The following NAV2 variants were observed in gnomAD, a reference collection of about 807,000 sequenced individuals.
The protein encoded by NAV2 is helicase, APC down-regulated 1.
NAV2 carries 54 observed loss-of-function variants against 223.2 expected under a neutral mutation model. The ratio of observed to expected loss-of-function variants is 0.24; its 90% CI spans 0.19 to 0.30. NAV2 has a LOEUF of 0.30. Ranked by LOEUF, NAV2 falls within the 10% of genes least tolerant of loss-of-function variation. NAV2 has a pLI of 1.00. For synonymous variants in NAV2, 1,279 were observed against 1,239.3 expected (o/e 1.03, Z -0.67); for missense variants, 2,806 against 3,147.5 (o/e 0.89, Z 2.60).
chr11:19,818,958 C>T (rs1454679277), intron 1 of NAV2, among the ~76,000 whole-genome samples: 1 of 151,956 alleles, frequency 6.6e-6, no homozygotes, highest in Non-Finnish European at 1.5e-5. Flanking sequence ...TCTTTTTTTC[C>T]ACCCACTCAT....
chr11:19,912,121 T>C (rs2043365315), intron 6 of NAV2, among the ~76,000 whole-genome samples: 1 of 152,226 alleles, frequency 6.6e-6, no homozygotes, highest in Non-Finnish European at 1.5e-5. Context: ...TGTCTGTGTT[T>C]GGTAGTAGTT....
chr11:19,955,080 A>AGG (rs2047735088), intron 10 of NAV2, among the ~76,000 whole-genome samples: 1 of 151,960 alleles, frequency 6.6e-6, no homozygotes. Context: ...ATTGGCTGGC[A>AGG]CTGTGCCTGC....
chr11:19,811,866 T>C (rs55928989), intron 1 of NAV2, among the ~76,000 whole-genome samples: 206 of 152,356 alleles, frequency 1.4e-3, no homozygotes, highest in African/African-American at 4.8e-3. Flanking sequence ...ATTCCTACTA[T>C]GTGCTATGCC....
chr11:19,652,085 C>T (rs1021115047), intron 1 of NAV2, among the ~76,000 whole-genome samples: 3 of 152,092 alleles, frequency 2.0e-5, no homozygotes, highest in South Asian at 2.1e-4. Context: ...CATAATAACT[C>T]GGATGCACAG....
intron 1 of NAV2, among the ~76,000 whole-genome samples, chr11:19,417,477 A>G (rs961587140): frequency 6.6e-6 from 1 of 152,216 alleles, no homozygotes; most frequent in Admixed American, 6.5e-5. Flanking sequence ...AGAAATAGGA[A>G]CACTTTTACA....
chr11:19,392,578 C>T lies in NAV2; in HGVS notation c.75+41551C>T, dbSNP rs567922911. 5.3e-5 allele frequency among the ~76,000 whole-genome samples: 8 copies of T among 152,250 alleles called. No individual in the cohort carries two copies. The South Asian group carries it at 6.2e-4, about 12-fold the overall frequency. Reference sequence around the variant, plus strand: ...TCCAGGAGGGAGCATCCTGAGAGCACGAGCAAGCCAGGCAGAAAATGTACT... The same window carrying T: ...TCCAGGAGGGAGCATCCTGAGAGCATGAGCAAGCCAGGCAGAAAATGTACT... On this transcript the variant is annotated intron_variant, in intron 1 of 37. Transcript: ENST00000360655.
chr11:19,828,173 G>A (rs1472958649), intron 1 of NAV2, among the ~76,000 whole-genome samples: 1 of 145,790 alleles, frequency 6.9e-6, no homozygotes, highest in Non-Finnish European at 1.5e-5. Context: ...ATTTTTTAAG[G>A]GGGGGATGGT....
intron 6 of NAV2, among the ~76,000 whole-genome samples, chr11:19,931,238 G>A (rs1003510985): frequency 1.4e-4 from 22 of 152,248 alleles, no homozygotes; most frequent in Admixed American, 7.2e-4. Context: ...GTGGGTTCTC[G>A]GAGCCTGATT....
intron 1 of NAV2, among the ~76,000 whole-genome samples, chr11:19,564,243 G>T (rs2045193733): frequency 6.6e-6 from 1 of 152,218 alleles, no homozygotes. Flanking sequence ...GGTGATCCTT[G>T]AGGGTGGGGC....
intron 1 of NAV2, among the ~76,000 whole-genome samples, chr11:19,620,254 G>A (rs956286528): frequency 1.3e-5 from 2 of 152,052 alleles, no homozygotes; most frequent in African/African-American, 4.8e-5. Context: ...CTCTTTTTTG[G>A]TTCCATATGA....
chr11:20,029,844 T>A (rs1002100461), intron 11 of NAV2, among the ~76,000 whole-genome samples: 1 of 152,246 alleles, frequency 6.6e-6, no homozygotes, highest in Non-Finnish European at 1.5e-5. Context: ...TACGTTCTTA[T>A]CTGACTTGAC....
At chr11:19,953,168 T>C (rs1382756766) in intron 10 of NAV2, among the ~76,000 whole-genome samples, 1 of 152,170 alleles carries the variant, frequency 6.6e-6, no homozygotes, top group East Asian at 1.9e-4. Context: ...GGCACTGAGT[T>C]GTGTAATGTT....
intron 1 of NAV2, among the ~76,000 whole-genome samples, chr11:19,468,750 A>G: frequency 6.6e-6 from 1 of 152,232 alleles, no homozygotes; most frequent in East Asian, 1.9e-4. Flanking sequence ...GTAAATCTCA[A>G]AATTTGGAAG....
chr11:19,874,228 C>A (rs1297918359), intron 4 of NAV2, among the ~76,000 whole-genome samples: 1 of 152,134 alleles, frequency 6.6e-6, no homozygotes, highest in East Asian at 1.9e-4. Flanking sequence ...GGGAAGAAAG[C>A]GATTAGTCAG....
intron 1 of NAV2, among the ~76,000 whole-genome samples, chr11:19,788,027 A>G (rs2057264501): frequency 6.6e-6 from 1 of 152,184 alleles, no homozygotes; most frequent in African/African-American, 2.4e-5. Context: ...AGTCCAATTT[A>G]GCATGAATAT....
intron 1 of NAV2, among the ~76,000 whole-genome samples, chr11:19,659,493 C>A (rs1436437721): frequency 1.3e-5 from 2 of 152,034 alleles, no homozygotes; most frequent in Non-Finnish European, 2.9e-5. Context: ...GACTTTGGCT[C>A]ATGTATAGAA....
At chr11:19,878,213 C>T (rs985182639) in intron 4 of NAV2, among the ~76,000 whole-genome samples, 4 of 152,110 alleles carry the variant, frequency 2.6e-5, no homozygotes, top group Non-Finnish European at 5.9e-5. Flanking sequence ...TTCTCAGAAG[C>T]GTCATAGTTA....
At chr11:19,895,532 G>A (rs2041905536) in intron 6 of NAV2, among the ~76,000 whole-genome samples, 1 of 152,172 alleles carries the variant, frequency 6.6e-6, no homozygotes, top group East Asian at 1.9e-4. Context: ...TCCACTCGGG[G>A]ATTCAAACTC....
At chr11:19,560,806 T>G (rs1033103560) in intron 1 of NAV2, among the ~76,000 whole-genome samples, 1 of 152,206 alleles carries the variant, frequency 6.6e-6, no homozygotes, top group Non-Finnish European at 1.5e-5. Context: ...GTAGACCAGA[T>G]AGAAGAAATG....
Sources: gnomAD v4.1 joint callset for allele counts (sites outside exome capture counted in the v4.1 genomes callset) on GRCh38, gnomAD v4.1.1 for gene constraint, MANE v1.5 for transcripts, NCBI Gene and HGNC (gene_info 2026-07-23, HGNC 2026-07-21) for gene names.